Variants in PTPRN2 observed in about 807,000 individuals in gnomAD.
PTPRN2 encodes the protein protein tyrosine phosphatase receptor type N2, also known as receptor-type tyrosine-protein phosphatase N2.
Under a neutral mutation model 118.8 loss-of-function variants are expected in PTPRN2, and 74 were observed. That is an observed-to-expected ratio of 0.62 (90% CI 0.52 to 0.76). The LOEUF (loss-of-function observed/expected upper bound fraction) is 0.76, where lower values mean the gene tolerates loss of function less well. Among genes scored for constraint, PTPRN2 ranks in the 30% least tolerant of loss-of-function variants. The probability of loss-of-function intolerance (pLI) is 0.00; values close to 1 mark genes in which losing one functional copy is unlikely to be tolerated. For synonymous variants in PTPRN2, 641 were observed against 608.0 expected (o/e 1.05, Z -0.80); for missense variants, 1,481 against 1,394.4 (o/e 1.06, Z -0.99).
At chr7:158,465,296 C>T (rs986838414) in intron 2 of PTPRN2, among the ~76,000 whole-genome samples, 4 of 152,212 alleles carry the variant, frequency 2.6e-5, no homozygotes, top group Admixed American at 6.5e-5. Context: ...CACTGGATGT[C>T]TCTTCTTTCC....
intron 3 of PTPRN2, among the ~76,000 whole-genome samples, chr7:158,237,500 CAT>C (rs1563020709): frequency 3.3e-5 from 1 of 29,922 alleles, no homozygotes; most frequent in South Asian, 1.9e-3. Flanking sequence ...CCTTTGTTCA[CAT>C]GTTTGTCTGC....
At chr7:158,487,283 C>T (rs1234417142) in intron 2 of PTPRN2, among the ~76,000 whole-genome samples, 5 of 152,156 alleles carry the variant, frequency 3.3e-5, no homozygotes, top group South Asian at 2.1e-4. Flanking sequence ...TTATGGGGTA[C>T]GTACCCAGAA....
chr7:158,489,408 C>A (rs1472553359), intron 2 of PTPRN2, among the ~76,000 whole-genome samples: 3 of 152,252 alleles, frequency 2.0e-5, no homozygotes, highest in Non-Finnish European at 2.9e-5. Context: ...GATAGCCCCG[C>A]TGCCCTCCAG....
chr7:157,699,861 A>T (rs1239722248), intron 12 of PTPRN2, among the ~76,000 whole-genome samples: 1 of 152,206 alleles, frequency 6.6e-6, no homozygotes, highest in Non-Finnish European at 1.5e-5. Flanking sequence ...GAGCCGCCGC[A>T]TGTCCTCGGT....
At chr7:157,919,839 G>A (rs1394884330) in intron 11 of PTPRN2, among the ~76,000 whole-genome samples, 3 of 152,166 alleles carry the variant, frequency 2.0e-5, no homozygotes, top group African/African-American at 4.8e-5. Flanking sequence ...TCCCATAAGA[G>A]TATGACGGAG....
At chr7:158,358,619 C>G (rs968072629) in intron 2 of PTPRN2, among the ~76,000 whole-genome samples, 27 of 152,360 alleles carry the variant, frequency 1.8e-4, no homozygotes, top group African/African-American at 6.5e-4. Context: ...GAATGGGACT[C>G]AGCCTCAGAA....
intron 3 of PTPRN2, among the ~76,000 whole-genome samples, chr7:158,209,048 A>G (rs1208387548): frequency 6.6e-6 from 1 of 152,146 alleles, no homozygotes; most frequent in Non-Finnish European, 1.5e-5. Context: ...AAAAACATAA[A>G]CAGATACAAC....
At chr7:158,486,024 C>T (rs1820990547) in intron 2 of PTPRN2, among the ~76,000 whole-genome samples, 1 of 152,212 alleles carries the variant, frequency 6.6e-6, no homozygotes. Context: ...AAGAAGCATT[C>T]TCCTTTGTTT....
rs1563543361 is a variant in PTPRN2, at chr7:158,164,537, TAGGGAAG to T, written c.910+2387_910+2393del. 6.1e-3 allele frequency among the ~76,000 whole-genome samples: 17 copies of T among 2,784 alleles called. 2 individuals carry two copies. Among genetic ancestry groups the T allele is most frequent in the African/African-American group, 0.014 (3 of 208 alleles). 1.8% of individuals were successfully genotyped at this position (2,784 alleles called of 152,430 possible). A position where few individuals can be genotyped will look rare whatever the true frequency, so the allele number is the denominator to read the frequency against. On this transcript the variant is annotated intron_variant, in intron 6 of 22. Coordinates refer to ENST00000389418, the MANE Select transcript of PTPRN2 (RefSeq NM_002847.5). ...AGGGCTCAGAGCGGGAGCGCGCACG[TAGGGAAG>T]GCGCGCACGTAGGGAAGGCACGCAG...
rs1798326593 is a variant in PTPRN2, at chr7:158,270,812, GGACCGCCCCCTCCACCTGGATGA to G, written c.277+45984_277+46006del. Among the ~76,000 whole-genome samples the G allele has an allele frequency of 2.6e-3, 16 of 6,122 alleles. 2 individuals are homozygous for G. The East Asian group carries it at 0.044, about 17-fold the overall frequency. 4.0% of individuals were successfully genotyped at this position (6,122 alleles called of 152,430 possible). A position where few individuals can be genotyped will look rare whatever the true frequency, so the allele number is the denominator to read the frequency against. ...CTCCACCTGGACCACCCCCTCACCTGGACCGCCCCCTCCACCTGGATGACCCCCTCACCTGGACCGCCCCCCCA... is the reference window on the plus strand; with the variant it reads ...CTCCACCTGGACCACCCCCTCACCTGCCCCCTCACCTGGACCGCCCCCCCA... On this transcript the variant is annotated intron_variant, in intron 3 of 22. Transcript: ENST00000389418.
chr7:158,580,211 G>A (rs568024234), intron 1 of PTPRN2, among the ~76,000 whole-genome samples: 2 of 152,368 alleles, frequency 1.3e-5, no homozygotes, highest in East Asian at 1.9e-4. Context: ...ACATTGTGGG[G>A]TCAGCCTCAA....
chr7:157,873,512 G>A (rs983592374), intron 12 of PTPRN2, among the ~76,000 whole-genome samples: 27 of 151,284 alleles, frequency 1.8e-4, no homozygotes, highest in African/African-American at 5.6e-4. Context: ...CGTGGGGGCC[G>A]GGAGGAGAAC....
At chr7:158,527,696 T>C (rs1824894257) in intron 1 of PTPRN2, among the ~76,000 whole-genome samples, 1 of 152,144 alleles carries the variant, frequency 6.6e-6, no homozygotes, top group African/African-American at 2.4e-5. Context: ...TGGGGGGGTC[T>C]CACAGCAGCC....
chr7:157,810,546 G>A lies in PTPRN2; in HGVS notation c.1788+88127C>T, dbSNP rs1417172726. Among the ~76,000 whole-genome samples the A allele has an allele frequency of 4.0e-5, 6 of 148,540 alleles. No individual in the cohort carries two copies. In the South Asian group the frequency reaches 6.5e-4, roughly 16 times the overall value. ...TGGGAGCTGGGTTCTCCACGGGGAC[G>A]GGGACGGCGGGACTGCTGGGGGCTG... On this transcript the variant is annotated intron_variant, in intron 12 of 22. Transcript: ENST00000389418.
At chr7:158,445,918 C>T (rs1374708109) in intron 2 of PTPRN2, among the ~76,000 whole-genome samples, 2 of 152,236 alleles carry the variant, frequency 1.3e-5, no homozygotes, top group Admixed American at 1.3e-4. Flanking sequence ...GAAGGTAAAC[C>T]CCGGCGCCCA....
At chr7:158,447,784 G>A (rs911005513) in intron 2 of PTPRN2, among the ~76,000 whole-genome samples, 5 of 152,252 alleles carry the variant, frequency 3.3e-5, no homozygotes, top group South Asian at 2.1e-4. Flanking sequence ...CTCTGCGCAG[G>A]TGCCGGGGTA....
At position 157,583,743 on chromosome 7, in the gene PTPRN2, T is replaced by A. The variant is rs1228688252; in HGVS notation, c.2497-5603A>T. ...TACTAAAAATAGAAAATTAGCCAGG[T>A]GTGTTGGTGGGTGCTGTAATCCCAG... On this transcript the variant is annotated intron_variant, in intron 17 of 22. Coordinates refer to ENST00000389418, the MANE Select transcript of PTPRN2 (RefSeq NM_002847.5). This position sits in a 1 kb window ranked among gnomAD's most constrained non-coding sequence, Gnocchi z 5.5. Among the ~76,000 whole-genome samples, 2 of 152,060 alleles carry A rather than the reference T, an allele frequency of 1.3e-5. No homozygotes were observed. Among genetic ancestry groups the A allele is most frequent in the Non-Finnish European group, 2.9e-5 (2 of 68,014 alleles).
At chr7:158,504,382 G>GT (rs1046535034) in intron 1 of PTPRN2, among the ~76,000 whole-genome samples, 1 of 151,762 alleles carries the variant, frequency 6.6e-6, no homozygotes. Flanking sequence ...AGTCTGTGTC[G>GT]TTCCCCCCCC....
At chr7:158,382,095 C>A (rs915656596) in intron 2 of PTPRN2, among the ~76,000 whole-genome samples, 1 of 152,192 alleles carries the variant, frequency 6.6e-6, no homozygotes, top group Non-Finnish European at 1.5e-5. Context: ...CACCAGAGCA[C>A]CCTGAGAGCC....
Sources: gnomAD v4.1 joint callset for allele counts (sites outside exome capture counted in the v4.1 genomes callset) on GRCh38, gnomAD v4.1.1 for gene constraint, Gnocchi (gnomAD v3.1) non-coding constraint, MANE v1.5 for transcripts, NCBI Gene and HGNC (gene_info 2026-07-23, HGNC 2026-07-21) for gene names.